The following LRRIQ3 variants were observed in gnomAD, a reference collection of about 807,000 sequenced individuals.
The protein encoded by LRRIQ3 is leucine-rich repeat and IQ domain-containing protein 3.
LRRIQ3 carries 75 observed loss-of-function variants against 59.3 expected under a neutral mutation model. The observed-to-expected ratio is 1.26, with a 90% CI of 1.05 to 1.53. LRRIQ3 has a LOEUF of 1.53. LRRIQ3 is among the 40% of genes most tolerant of loss of function. The probability of loss-of-function intolerance (pLI) is 0.00; values close to 1 mark genes in which losing one functional copy is unlikely to be tolerated. For missense variants in LRRIQ3, 831 were observed against 710.0 expected (o/e 1.17, Z -1.94); for synonymous variants, 250 against 231.3 (o/e 1.08, Z -0.73).
intron 3 of LRRIQ3, among the ~76,000 whole-genome samples, chr1:74,179,360 T>G (rs563326108): frequency 9.1e-4 from 139 of 152,084 alleles, no homozygotes; most frequent in African/African-American, 3.3e-3. Context: ...TTTTATTGTG[T>G]TATAAGGCAC....
intron 4 of LRRIQ3, among the ~76,000 whole-genome samples, chr1:74,120,450 A>G (rs558701853): frequency 6.6e-6 from 1 of 152,126 alleles, no homozygotes; most frequent in African/African-American, 2.4e-5. Flanking sequence ...CGGTTTTATT[A>G]ACAAGGGGAA....
intron 4 of LRRIQ3, among the ~76,000 whole-genome samples, chr1:74,150,050 T>G (rs533339847): frequency 2.1e-4 from 32 of 152,266 alleles, no homozygotes; most frequent in African/African-American, 7.2e-4. Context: ...GTATATCCGG[T>G]AAGGGTGATT....
rs71078186 is a variant in LRRIQ3, at chr1:74,154,240, C to CAAAAAAAAAAA, written c.707+1482_707+1492dup. Among the ~76,000 whole-genome samples, 31 of 57,276 alleles carry CAAAAAAAAAAA rather than the reference C, an allele frequency of 5.4e-4. 2 individuals carry two copies. Among genetic ancestry groups the CAAAAAAAAAAA allele is most frequent in the African/African-American group, 1.2e-3 (17 of 13,730 alleles). 37.6% of individuals were successfully genotyped at this position (57,276 alleles called of 152,430 possible). On this transcript the variant is annotated intron_variant, in intron 4 of 7. Coordinates refer to ENST00000354431, the MANE Select transcript of LRRIQ3 (RefSeq NM_001105659.2). ...TGGGCGACAGAGCGAGACTCCTTCTCAAAAAAAAAAAAAAAAAAAAAAAAA... is the reference window on the plus strand; with the variant it reads ...TGGGCGACAGAGCGAGACTCCTTCTCAAAAAAAAAAAAAAAAAAAAAAAAAAAAAAAAAAAA...
At chr1:74,161,573 G>A (rs1217649696) in intron 3 of LRRIQ3, among the ~76,000 whole-genome samples, 2 of 151,820 alleles carry the variant, frequency 1.3e-5, no homozygotes, top group African/African-American at 4.8e-5. Flanking sequence ...GGGTAGAAGT[G>A]TTGGAGAAGC....
chr1:74,138,826 A>G (rs1647172467), intron 4 of LRRIQ3, among the ~76,000 whole-genome samples: 1 of 151,768 alleles, frequency 6.6e-6, no homozygotes, highest in Admixed American at 6.6e-5. Flanking sequence ...TATCTGTGAT[A>G]TATCTGTTCC....
intron 3 of LRRIQ3, among the ~76,000 whole-genome samples, chr1:74,173,454 CTG>C (rs1325413411): frequency 6.6e-6 from 1 of 151,896 alleles, no homozygotes; most frequent in African/African-American, 2.4e-5. Context: ...TAGTCTTTCT[CTG>C]TGGCTTGATA....
At chr1:74,180,595 T>G in intron 3 of LRRIQ3, 2 of 897,644 alleles carry the variant, frequency 2.2e-6, no homozygotes, top group Non-Finnish European at 3.3e-6. Context: ...TAGAGGAGTA[T>G]TTCCACACTT....
chr1:74,157,110 C>G (rs968432585), intron 3 of LRRIQ3, among the ~76,000 whole-genome samples: 2 of 152,076 alleles, frequency 1.3e-5, no homozygotes, highest in South Asian at 4.1e-4. Context: ...TTCCTTGGCT[C>G]TGTCTTTATT....
intron 4 of LRRIQ3, among the ~76,000 whole-genome samples, chr1:74,111,658 A>G (rs1161825551): frequency 6.6e-6 from 1 of 152,112 alleles, no homozygotes; most frequent in African/African-American, 2.4e-5. Flanking sequence ...CAAAGGGCAT[A>G]CAGCAAAATA....
At chr1:74,053,405 C>T (rs900886600) in intron 6 of LRRIQ3, among the ~76,000 whole-genome samples, 3 of 152,184 alleles carry the variant, frequency 2.0e-5, no homozygotes, top group Middle Eastern at 3.4e-3. Context: ...ATTAAAATTT[C>T]TGCCCTGCAA....
rs536136518 is a variant in LRRIQ3 at position 74,120,231 on chromosome 1, C to T, written c.708-10678G>A. On this transcript the variant is annotated intron_variant, in intron 4 of 7. Coordinates refer to ENST00000354431, the MANE Select transcript of LRRIQ3 (RefSeq NM_001105659.2). ...CTCCTGGGTTCAAGTGATTCTCCTGCCTCAGCCTCCTGAGTAGCTGGAATT... is the reference window on the plus strand; with the variant it reads ...CTCCTGGGTTCAAGTGATTCTCCTGTCTCAGCCTCCTGAGTAGCTGGAATT... Among the ~76,000 whole-genome samples, 53 of 151,780 alleles carry T rather than the reference C, an allele frequency of 3.5e-4. No homozygotes were observed. In the Middle Eastern group the frequency reaches 0.017, roughly 49 times the overall value.
At chr1:74,044,633 G>C (rs780270714) in intron 6 of LRRIQ3, among the ~76,000 whole-genome samples, 21 of 151,968 alleles carry the variant, frequency 1.4e-4, no homozygotes, top group Non-Finnish European at 2.6e-4. Context: ...AACTGAAGGA[G>C]ACAGAGTCAC....
intron 5 of LRRIQ3, among the ~76,000 whole-genome samples, chr1:74,097,086 G>A (rs1025085418): frequency 1.7e-4 from 26 of 152,220 alleles, no homozygotes; most frequent in South Asian, 4.1e-4. Context: ...GTCAGACAGG[G>A]ACATTTAAGT....
At chr1:74,109,187 T>C (rs539611433) in intron 5 of LRRIQ3, 139 of 395,376 alleles carry the variant, frequency 3.5e-4, no homozygotes, top group Non-Finnish European at 5.8e-4. Flanking sequence ...TAAATGGTTG[T>C]GGTATACTAT....
At chr1:74,057,621 A>G (rs540655647) in intron 6 of LRRIQ3, among the ~76,000 whole-genome samples, 67 of 152,322 alleles carry the variant, frequency 4.4e-4, no homozygotes, top group Non-Finnish European at 6.9e-4. Flanking sequence ...CTTATATGTA[A>G]GACTTGAAAC....
intron 4 of LRRIQ3, among the ~76,000 whole-genome samples, chr1:74,131,419 C>CA (rs1647018202): frequency 1.3e-5 from 2 of 151,994 alleles, no homozygotes; most frequent in South Asian, 2.1e-4. Flanking sequence ...AGAGACACAA[C>CA]AAAAAAAGAG....
chr1:74,081,089 T>C (rs1646268917), intron 5 of LRRIQ3, among the ~76,000 whole-genome samples: 2 of 151,650 alleles, frequency 1.3e-5, no homozygotes, highest in African/African-American at 4.8e-5. Context: ...GAATAATTGC[T>C]ACTATCCTGC....
intron 4 of LRRIQ3, among the ~76,000 whole-genome samples, chr1:74,131,356 T>A (rs1035612188): frequency 6.6e-6 from 1 of 151,978 alleles, no homozygotes; most frequent in African/African-American, 2.4e-5. Context: ...AAAGAGGGAA[T>A]CCTCCCTAAC....
chr1:74,107,505 C>G (rs748113164), intron 5 of LRRIQ3, among the ~76,000 whole-genome samples: 1 of 149,850 alleles, frequency 6.7e-6, no homozygotes, highest in African/African-American at 2.4e-5. Flanking sequence ...ATTTTTACCA[C>G]TCAAAATAAT....
Sources: gnomAD v4.1 joint callset for allele counts (sites outside exome capture counted in the v4.1 genomes callset) on GRCh38, gnomAD v4.1.1 for gene constraint, MANE v1.5 for transcripts, NCBI Gene and HGNC (gene_info 2026-07-23, HGNC 2026-07-21) for gene names.